The following FGD4 variants were observed in gnomAD, a reference collection of about 807,000 sequenced individuals.
FGD4 encodes FYVE, RhoGEF and PH domain containing 4, also known as FYVE, RhoGEF and PH domain-containing protein 4.
A neutral mutation model predicts 102.0 loss-of-function variants in FGD4; 42 were observed. The observed-to-expected ratio is 0.41, with a 90% confidence interval of 0.32 to 0.53. The LOEUF (loss-of-function observed/expected upper bound fraction) is 0.53, where lower values mean the gene tolerates loss of function less well. FGD4 is among the 20% of genes least tolerant of loss of function. The pLI is 0.21. For missense variants in FGD4, 902 were observed against 1,078.2 expected (o/e 0.84, Z 2.29); for synonymous variants, 380 against 375.7 (o/e 1.01, Z -0.13).
chr12:32,611,149 A>G lies in FGD4; in HGVS notation c.1615A>G (p.Lys539Glu). ...TTTAATTTCCTAGGAGAACCTAAAG[A>G]AACTCTTAGAGATTTATGAAATGTT... ...SAIRKMENLK[K>E]LLEIYEMLGE... Residue 539 changes from lysine (K) to glutamate (E), a missense_variant, in exon 10 of 17, where the codon AAA becomes GAA. Physicochemically the swap from Lys to Glu is moderately conservative, Grantham distance 56. Around this residue, in one of 2 missense-constraint regions of FGD4, gnomAD observed 459 missense variants for 619.0 expected, o/e 0.74. Coordinates refer to ENST00000534526, the MANE Select transcript of FGD4 (RefSeq NM_001370298.3). The G allele has an allele frequency of 6.2e-7, 1 of 1,614,160 alleles. No individual in the cohort carries two copies. Among genetic ancestry groups the G allele is most frequent in the Non-Finnish European group, 8.5e-7 (1 of 1,180,024 alleles).
At chr12:32,526,911 A>G (rs752216529) in intron 1 of FGD4, among the ~76,000 whole-genome samples, 9 of 152,166 alleles carry the variant, frequency 5.9e-5, no homozygotes, top group Non-Finnish European at 1.0e-4. Flanking sequence ...AACACATTTT[A>G]ACTCAGATAT....
At chr12:32,578,687 A>G (rs1192519883) in intron 3 of FGD4, among the ~76,000 whole-genome samples, 2 of 151,964 alleles carry the variant, frequency 1.3e-5, no homozygotes, top group Non-Finnish European at 2.9e-5. Context: ...AAAATTAGCC[A>G]GGTATGGTGG....
chr12:32,542,969 CT>C (rs1478449545), intron 1 of FGD4, among the ~76,000 whole-genome samples: 5 of 152,244 alleles, frequency 3.3e-5, no homozygotes, highest in Admixed American at 3.3e-4. Flanking sequence ...TCAGCTCTAC[CT>C]GGAGTTAGCG....
At chr12:32,596,935 T>TA (rs984765572) in intron 4 of FGD4, among the ~76,000 whole-genome samples, 2,613 of 137,830 alleles carry the variant, frequency 0.019, 58 homozygotes, top group African/African-American at 0.06. Context: ...AACTCTGTCT[T>TA]AAAAAAAAAA....
chr12:32,576,529 C>A, intron 3 of FGD4, 80 bp downstream of exon 3: 7 of 1,472,286 alleles, frequency 4.8e-6, no homozygotes, highest in Non-Finnish European at 6.6e-6. Context: ...TAGATACATT[C>A]TAAATAAAAA....
At chr12:32,407,837 C>G (rs953302502) in intron 1 of FGD4, among the ~76,000 whole-genome samples, 1 of 152,074 alleles carries the variant, frequency 6.6e-6, no homozygotes. Context: ...TTGCAGCCCT[C>G]TCCTTTTTAC....
chr12:32,473,381 C>G lies in FGD4; in HGVS notation c.166+73422C>G, dbSNP rs144506708. On this transcript the variant is annotated intron_variant, in intron 1 of 16. Transcript: ENST00000534526. ...CACCGCGAAGATCTGCAGCTTCACT[C>G]CTGAGTCCAGCGAGCCCAGGAGCCC... Among the ~76,000 whole-genome samples the G allele has an allele frequency of 4.1e-3, 623 of 152,240 alleles. 12 individuals are homozygous for G. The highest frequency in any genetic ancestry group is 0.037 in the Admixed American group (567 of 15,288).
At chr12:32,564,311 G>T in intron 2 of FGD4, 22 bp downstream of exon 2, 1 of 1,534,282 alleles carries the variant, frequency 6.5e-7, no homozygotes, top group Non-Finnish European at 8.7e-7. Context: ...GGGAGTTTGT[G>T]TTCGGGGTGG....
intron 1 of FGD4, among the ~76,000 whole-genome samples, chr12:32,441,400 C>CG (rs1166260433): frequency 6.6e-6 from 1 of 151,954 alleles, no homozygotes. Flanking sequence ...TTCAAGGCAG[C>CG]GGGTTCCCTT....
At chr12:32,444,776 T>TG (rs1942563795) in intron 1 of FGD4, among the ~76,000 whole-genome samples, 1 of 152,208 alleles carries the variant, frequency 6.6e-6, no homozygotes, top group African/African-American at 2.4e-5. Flanking sequence ...AGACCTGAGG[T>TG]GAAGATAAAG....
intron 1 of FGD4, among the ~76,000 whole-genome samples, chr12:32,409,985 G>A (rs1941127446): frequency 1.4e-5 from 2 of 144,410 alleles, no homozygotes; most frequent in Middle Eastern, 3.6e-3. Context: ...GGGTAACGTA[G>A]TGAAACCTTG....
chr12:32,442,441 T>C (rs1942472807), intron 1 of FGD4, among the ~76,000 whole-genome samples: 1 of 152,134 alleles, frequency 6.6e-6, no homozygotes, highest in African/African-American at 2.4e-5. Flanking sequence ...GACTTTTGGT[T>C]CTTATGAAGG....
At chr12:32,409,829 A>G (rs1387162636) in intron 1 of FGD4, among the ~76,000 whole-genome samples, 1 of 152,140 alleles carries the variant, frequency 6.6e-6, no homozygotes, top group Admixed American at 6.6e-5. Flanking sequence ...TGCATTGATC[A>G]CACTTTAGAA....
chr12:32,511,236 G>A (rs1939327623), intron 1 of FGD4: 2 of 152,234 alleles, frequency 1.3e-5, no homozygotes, highest in African/African-American at 4.8e-5. Flanking sequence ...AGAGCAAAGG[G>A]AAGCAACCAT....
At chr12:32,483,529 G>GA (rs987861663) in intron 1 of FGD4, among the ~76,000 whole-genome samples, 2 of 152,086 alleles carry the variant, frequency 1.3e-5, no homozygotes, top group African/African-American at 2.4e-5. Flanking sequence ...CCAAAACATT[G>GA]AAAAAAGAGG....
At chr12:32,435,524 ATGAC>A (rs1942201325) in intron 1 of FGD4, among the ~76,000 whole-genome samples, 1 of 55,544 alleles carries the variant, frequency 1.8e-5, no homozygotes, top group African/African-American at 1.4e-4. Flanking sequence ...TGTGTTTTAA[ATGAC>A]TAAGTTGGAA....
chr12:32,592,949 GTC>G (rs1179853407), intron 4 of FGD4, among the ~76,000 whole-genome samples: 6 of 152,174 alleles, frequency 3.9e-5, no homozygotes, highest in Non-Finnish European at 5.9e-5. Flanking sequence ...TGATTTGTCA[GTC>G]TGTCTATTTA....
chr12:32,470,463 C>CTT (rs551854980), intron 1 of FGD4, among the ~76,000 whole-genome samples: 38 of 130,834 alleles, frequency 2.9e-4, no homozygotes, highest in African/African-American at 6.1e-4. Context: ...TTTTCTTTTT[C>CTT]TTTTTTTTTT....
intron 4 of FGD4, among the ~76,000 whole-genome samples, chr12:32,594,367 TG>T (rs1947707497): frequency 6.6e-6 from 1 of 152,216 alleles, no homozygotes; most frequent in Admixed American, 6.5e-5. Context: ...TAATGACCGA[TG>T]ATCTGTCGCT....
Sources: allele counts gnomAD v4.1 joint callset (sites outside exome capture counted in the v4.1 genomes callset), GRCh38; gene constraint gnomAD v4.1.1; regional missense constraint gnomAD v4.1.1; transcripts MANE v1.5; gene names NCBI Gene and HGNC (gene_info 2026-07-23, HGNC 2026-07-21).